The following DACH1 variants were observed in gnomAD, a reference collection of about 807,000 sequenced individuals.
DACH1 encodes the protein dachshund homolog 1.
Under a neutral mutation model 54.2 loss-of-function variants are expected in DACH1, and 12 were observed. The observed-to-expected ratio is 0.22, with a 90% confidence interval of 0.14 to 0.36. The LOEUF (loss-of-function observed/expected upper bound fraction) is 0.36. Among genes scored for constraint, DACH1 ranks in the 10% least tolerant of loss-of-function variants. DACH1 has a pLI of 1.00. For synonymous variants in DACH1, 386 were observed against 366.2 expected (o/e 1.05, Z -0.62); for missense variants, 805 against 929.8 (o/e 0.87, Z 1.75).
rs149180984 is a variant in DACH1, at chr13:71,546,936, T to C, written c.1570+10088A>G. On this transcript the variant is annotated intron_variant, in intron 6 of 10. Coordinates refer to ENST00000613252, the MANE Select transcript of DACH1 (RefSeq NM_080759.6). The stretch of plus-strand genomic sequence containing the variant: ...TTACTTCAGTTATTAGTTGGTCTAA[T>C]GTATTGGTTACCTCTAAATCTCGCT... Among the ~76,000 whole-genome samples, 21 of 152,242 alleles carry C rather than the reference T, an allele frequency of 1.4e-4. 1 individual carries two copies. In the East Asian group the frequency reaches 4.1e-3, roughly 29 times the overall value.
chr13:71,558,076 T>C (rs1356559051), intron 5 of DACH1, among the ~76,000 whole-genome samples: 2 of 152,050 alleles, frequency 1.3e-5, no homozygotes, highest in Admixed American at 1.3e-4. Context: ...TTTTCCTGAT[T>C]TTGATCATTT....
intron 6 of DACH1, among the ~76,000 whole-genome samples, chr13:71,499,751 T>C (rs1479413238): frequency 6.6e-6 from 1 of 152,192 alleles, no homozygotes; most frequent in Non-Finnish European, 1.5e-5. Context: ...TGTACTTTAA[T>C]AATCTACTTT....
At chr13:71,466,067 A>T (rs1478359847) in intron 10 of DACH1, among the ~76,000 whole-genome samples, 2 of 152,076 alleles carry the variant, frequency 1.3e-5, no homozygotes, top group Non-Finnish European at 1.5e-5. Flanking sequence ...TAAATTCCCC[A>T]AGTTTATTTT....
intron 10 of DACH1, among the ~76,000 whole-genome samples, chr13:71,463,072 A>AATG (rs1876239767): frequency 6.6e-6 from 1 of 151,984 alleles, no homozygotes; most frequent in African/African-American, 2.4e-5. Flanking sequence ...AACATTAATG[A>AATG]ATGATAGTAT....
rs181994918 is a variant in DACH1, at chr13:71,838,089, T to C, written c.848+27833A>G. Among the ~76,000 whole-genome samples the C allele has an allele frequency of 7.5e-5, 11 of 146,348 alleles. No homozygotes were observed. The East Asian group carries it at 2.1e-3, about 28-fold the overall frequency. On this transcript the variant is annotated intron_variant, in intron 1 of 10. Transcript: ENST00000613252. The stretch of plus-strand genomic sequence containing the variant: ...TTGGATAGCTTAAACTTCAAAACCA[T>C]GTTGATACTGCATTTAATTATTAGT...
intron 1 of DACH1, among the ~76,000 whole-genome samples, chr13:71,837,293 A>G (rs1243756331): frequency 1.3e-5 from 2 of 152,150 alleles, no homozygotes; most frequent in African/African-American, 4.8e-5. Flanking sequence ...TAGACCTACT[A>G]TGAAATGACT....
intron 1 of DACH1, among the ~76,000 whole-genome samples, chr13:71,693,955 A>C (rs902560682): frequency 1.3e-5 from 2 of 152,136 alleles, no homozygotes; most frequent in Non-Finnish European, 1.5e-5. Context: ...CATATAAATC[A>C]CAAAAGTAGA....
intron 1 of DACH1, among the ~76,000 whole-genome samples, chr13:71,851,280 T>A (rs1366393337): frequency 1.3e-5 from 2 of 152,228 alleles, no homozygotes; most frequent in African/African-American, 4.8e-5. Flanking sequence ...ATTATTATTT[T>A]AATAATTACC....
Position 71,675,557 on chromosome 13 carries a change from C to A in DACH1, c.964+6238G>T, listed in dbSNP as rs1452080309. The A allele has an allele frequency of 1.1e-5, 9 of 802,014 alleles. No homozygotes were observed. The East Asian group carries it at 2.1e-4, about 19-fold the overall frequency. The allele number at this position is 802,014 out of a possible 1,614,324, so 49.7% of individuals were successfully genotyped here. A position where few individuals can be genotyped will look rare whatever the true frequency, so the allele number is the denominator to read the frequency against. ...TCTTCCTGTTATTGGTAGTTCTGAA[C>A]GTTAGATATTTTTTTTCCATGGGGT... On this transcript the variant is annotated intron_variant, in intron 2 of 10. Transcript: ENST00000613252.
chr13:71,852,746 T>C (rs1275669348), intron 1 of DACH1, among the ~76,000 whole-genome samples: 18 of 152,110 alleles, frequency 1.2e-4, no homozygotes, highest in Admixed American at 1.2e-3. Context: ...AGCCACAAAA[T>C]AGCCAAAGGG....
At chr13:71,862,710 G>A (rs1435976160) in intron 1 of DACH1, among the ~76,000 whole-genome samples, 1 of 151,886 alleles carries the variant, frequency 6.6e-6, no homozygotes, top group African/African-American at 2.4e-5. Flanking sequence ...AAAACCACTC[G>A]AAGGTTTGCT....
intron 1 of DACH1, among the ~76,000 whole-genome samples, chr13:71,703,708 T>G (rs1882280269): frequency 6.6e-6 from 1 of 152,196 alleles, no homozygotes; most frequent in Non-Finnish European, 1.5e-5. Context: ...GTAAGGAAAC[T>G]GCATAGGACT....
intron 1 of DACH1, among the ~76,000 whole-genome samples, chr13:71,748,956 CTTT>C (rs1884795939): frequency 6.1e-5 from 2 of 32,590 alleles, no homozygotes; most frequent in Non-Finnish European, 1.4e-4. Flanking sequence ...TTCTTTCTCT[CTTT>C]CTTTCTCTCT....
At chr13:71,571,494 T>G (rs2138411678) in intron 4 of DACH1, among the ~76,000 whole-genome samples, 1 of 152,266 alleles carries the variant, frequency 6.6e-6, no homozygotes, top group South Asian at 2.1e-4. Flanking sequence ...TCAAAGGTCT[T>G]TTTATCAGTT....
At chr13:71,512,623 C>CA in intron 6 of DACH1, among the ~76,000 whole-genome samples, 1 of 151,832 alleles carries the variant, frequency 6.6e-6, no homozygotes, top group Non-Finnish European at 1.5e-5. Context: ...TCTTGGATCT[C>CA]AAAGTGTTCA....
At chr13:71,508,653 G>A (rs1055951209) in intron 6 of DACH1, among the ~76,000 whole-genome samples, 3 of 151,732 alleles carry the variant, frequency 2.0e-5, no homozygotes, top group African/African-American at 7.3e-5. Flanking sequence ...TTTTTGTAGA[G>A]ACAAGGTCTC....
chr13:71,799,699 G>C (rs1455715579), intron 1 of DACH1, among the ~76,000 whole-genome samples: 1 of 152,124 alleles, frequency 6.6e-6, no homozygotes, highest in Non-Finnish European at 1.5e-5. Flanking sequence ...ATCTGGCCAT[G>C]TGGTTTTGCA....
At chr13:71,787,104 T>G (rs1160652706) in intron 1 of DACH1, among the ~76,000 whole-genome samples, 1 of 152,150 alleles carries the variant, frequency 6.6e-6, no homozygotes, top group Non-Finnish European at 1.5e-5. Context: ...CAAATCTTGT[T>G]GGTGAGATGC....
chr13:71,450,840 T>C (rs969743213), intron 10 of DACH1, among the ~76,000 whole-genome samples: 1 of 152,120 alleles, frequency 6.6e-6, no homozygotes, highest in Non-Finnish European at 1.5e-5. Flanking sequence ...CACAACCTCA[T>C]CCAGAGGAAA....
Sources: allele counts gnomAD v4.1 joint callset (sites outside exome capture counted in the v4.1 genomes callset), GRCh38; gene constraint gnomAD v4.1.1; transcripts MANE v1.5; gene names NCBI Gene and HGNC (gene_info 2026-07-23, HGNC 2026-07-21).